SPATA6L: variants seen among roughly 807,000 people sequenced by gnomAD.
The protein encoded by SPATA6L is spermatogenesis associated 6-like protein.
Under a neutral mutation model 49.2 loss-of-function variants are expected in SPATA6L, and 68 were observed. The ratio of observed to expected loss-of-function variants is 1.38; its 90% CI spans 1.14 to 1.69. The LOEUF is 1.69. Among genes scored for constraint, SPATA6L ranks in the 40% most tolerant of loss-of-function variants. SPATA6L has a pLI of 0.00. For synonymous variants in SPATA6L, 198 were observed against 165.7 expected (o/e 1.19, Z -1.50); for missense variants, 668 against 464.3 (o/e 1.44, Z -4.03).
Position 4,601,368 on chromosome 9 carries a change from G to GTTT in SPATA6L, c.*2-562_*2-560dup, listed in dbSNP as rs34602065. On this transcript the variant is annotated intron_variant, in intron 11 of 11. Coordinates refer to ENST00000682582, the MANE Select transcript of SPATA6L (RefSeq NM_001353486.2). The stretch of plus-strand genomic sequence containing the variant: ...AATCTGAGGGGTTTCTTTACGGGAG[G>GTTT]TTTTTTTTTTTGTTTGGTTTTTTGG... Among the ~76,000 whole-genome samples the GTTT allele has an allele frequency of 3.6e-4, 53 of 147,068 alleles. 1 individual carries two copies. The South Asian group carries it at 8.6e-3, about 24-fold the overall frequency.
intron 2 of SPATA6L, among the ~76,000 whole-genome samples, chr9:4,656,441 AAAGGAAGGAAGGAAGGAAGGAAGGAAGG>A (rs376151295): frequency 1.1e-4 from 13 of 113,936 alleles, no homozygotes; most frequent in African/African-American, 3.7e-4. Context: ...CCTGTGAAAG[AAAGGAAGGAAGGAAGGAAGGAAGGAAGG>A]AAGGAAGGAA....
chr9:4,641,170 G>T (rs1833952872), intron 3 of SPATA6L, among the ~76,000 whole-genome samples: 2 of 148,728 alleles, frequency 1.3e-5, no homozygotes, highest in Middle Eastern at 3.5e-3. Flanking sequence ...CCAACATTTA[G>T]TATATTCAAC....
At chr9:4,640,928 A>G (rs1833895113) in intron 3 of SPATA6L, among the ~76,000 whole-genome samples, 1 of 152,210 alleles carries the variant, frequency 6.6e-6, no homozygotes, top group Non-Finnish European at 1.5e-5. Flanking sequence ...TTCTGCAATC[A>G]TTCTTTTCAA....
In SPATA6L at chr9:4,662,969, C is replaced by A. The variant is rs369771555; in HGVS notation, c.40-933G>T. Reference sequence around the variant, plus strand: ...GCCGCCCGGCCCACAACCAGATGGACATGTTTGTCACTCTCTCGGTGGACA... The same window carrying A: ...GCCGCCCGGCCCACAACCAGATGGAAATGTTTGTCACTCTCTCGGTGGACA... On this transcript the variant is annotated intron_variant, in intron 1 of 11. Coordinates refer to ENST00000682582, the MANE Select transcript of SPATA6L (RefSeq NM_001353486.2). This position sits in a 1 kb window ranked among gnomAD's most constrained non-coding sequence, Gnocchi z 4.9. The A allele has an allele frequency of 9.3e-6, 15 of 1,612,790 alleles. No individual in the cohort carries two copies. Among genetic ancestry groups the A allele is most frequent in the Non-Finnish European group, 1.3e-5 (15 of 1,179,890 alleles).
At chr9:4,590,607 G>C (rs903517656) in intron 13 of SPATA6L, among the ~76,000 whole-genome samples, 1 of 152,100 alleles carries the variant, frequency 6.6e-6, no homozygotes, top group African/African-American at 2.4e-5. Flanking sequence ...AAATGAGAAA[G>C]GAATGCCATT....
chr9:4,615,274 A>AT lies in SPATA6L; in HGVS notation c.995+2648dup, dbSNP rs931613764. On this transcript the variant is annotated intron_variant, in intron 9 of 11. Coordinates refer to ENST00000682582, the MANE Select transcript of SPATA6L (RefSeq NM_001353486.2). The stretch of plus-strand genomic sequence containing the variant: ...GCTCTTTGCATACTTCTTTTTTATT[A>AT]TTTTTTTTATATCCTCTGCTAGGTT... 1.1e-4 allele frequency among the ~76,000 whole-genome samples: 16 copies of AT among 151,994 alleles called. No individual in the cohort carries two copies. The East Asian group carries it at 1.3e-3, about 13-fold the overall frequency.
At position 4,622,468 on chromosome 9, in the gene SPATA6L, G is replaced by A; in HGVS notation, c.712C>T (p.His238Tyr). The A allele has an allele frequency of 6.2e-7, 1 of 1,613,802 alleles. No individual in the cohort carries two copies. Among genetic ancestry groups the A allele is most frequent in the Non-Finnish European group, 8.5e-7 (1 of 1,179,908 alleles). Residue 238 changes from histidine to tyrosine, a missense_variant, in exon 7 of 12, where the codon CAT becomes TAT. His to Tyr is a moderately conservative substitution (Grantham distance 83). Coordinates refer to ENST00000682582, the MANE Select transcript of SPATA6L (RefSeq NM_001353486.2). ...GATTTTCTTCTAGACCTCCTCAAATGATGCTCTGAAATATTCTCACCAAAG... is the reference window on the plus strand; with the variant it reads ...GATTTTCTTCTAGACCTCCTCAAATAATGCTCTGAAATATTCTCACCAAAG... ...KPFGENISEH[H>Y]LRRSRRKSKF...
downstream of SPATA6L, among the ~76,000 whole-genome samples, chr9:4,597,377 C>T (rs1208417542): frequency 6.7e-6 from 1 of 148,934 alleles, no homozygotes; most frequent in African/African-American, 2.5e-5. Context: ...CACGGTGGGG[C>T]GTGGGGGGTG....
intron 9 of SPATA6L, among the ~76,000 whole-genome samples, chr9:4,615,456 T>G (rs1381973565): frequency 1.3e-5 from 2 of 152,176 alleles, no homozygotes; most frequent in African/African-American, 4.8e-5. Flanking sequence ...TTTGACTCAG[T>G]AAACATGAGG....
intron 11 of SPATA6L, among the ~76,000 whole-genome samples, chr9:4,603,076 T>C (rs550013208): frequency 1.3e-5 from 2 of 152,308 alleles, no homozygotes; most frequent in South Asian, 2.1e-4. Flanking sequence ...CAGATCTGAA[T>C]TCTAGAGTTG....
Position 4,666,217 on chromosome 9 carries a change from G to C in SPATA6L, c.34C>G (p.Arg12Gly). Residue 12 changes from arginine (R) to glycine (G), a missense_variant, in exon 1 of 12, where the codon CGG becomes GGG. Coordinates refer to ENST00000682582, the MANE Select transcript of SPATA6L (RefSeq NM_001353486.2). ...GGAGTTCATCGATCTCTTACCGCCC[G>C]GATCTGCAGCTCCACCACCACCTCC... is the stretch of plus-strand genomic sequence containing the variant. ...PLEVVVELQI[R>G]AISCPGVFLP... is the part of the protein sequence containing the mutation. 2 of 1,614,108 alleles carry C rather than the reference G, an allele frequency of 1.2e-6. No individual in the cohort carries two copies. Among genetic ancestry groups the C allele is most frequent in the Middle Eastern group, 1.7e-4 (1 of 6,060 alleles).
Position 4,618,032 on chromosome 9 carries a change from A to G in SPATA6L, c.886T>C (p.Ser296Pro). The change falls in exon 9 of 12, where the codon TCT becomes CCT. Residue 296 changes from serine (S) to proline (P), a missense_variant. Ser to Pro is a moderately conservative substitution (Grantham distance 74, BLOSUM62 -1). Coordinates refer to ENST00000682582, the MANE Select transcript of SPATA6L (RefSeq NM_001353486.2). ...GCATCCCCTTGTTTACTGGATGAAG[A>G]CTTTCCAAACTGACTTGAATCTAAA... is the stretch of plus-strand genomic sequence containing the variant. ...SCLDSSQFGK[S>P]SSSKQGDADF... 1 of 1,614,122 alleles carries G rather than the reference A, an allele frequency of 6.2e-7. No individual in the cohort carries two copies. Among genetic ancestry groups the G allele is most frequent in the African/African-American group, 1.3e-5 (1 of 75,054 alleles).
chr9:4,610,676 C>A (rs1418456701), intron 9 of SPATA6L, among the ~76,000 whole-genome samples: 1 of 152,166 alleles, frequency 6.6e-6, no homozygotes, highest in Non-Finnish European at 1.5e-5. Flanking sequence ...AAATGTTAGA[C>A]CTAAAACCAT....
intron 2 of SPATA6L, among the ~76,000 whole-genome samples, chr9:4,658,873 C>G (rs1483303404): frequency 1.3e-5 from 2 of 150,302 alleles, no homozygotes; most frequent in Non-Finnish European, 3.0e-5. Flanking sequence ...ATCCCTGAAC[C>G]TGGGAGGCAG....
intron 9 of SPATA6L, among the ~76,000 whole-genome samples, chr9:4,609,523 A>T (rs1256166994): frequency 6.6e-6 from 1 of 152,110 alleles, no homozygotes; most frequent in South Asian, 2.1e-4. Context: ...TCCAGCATAT[A>T]AACAGAACCA....
At chr9:4,660,615 CAG>C (rs1353342175) in intron 2 of SPATA6L, among the ~76,000 whole-genome samples, 2 of 152,226 alleles carry the variant, frequency 1.3e-5, no homozygotes, top group African/African-American at 4.8e-5. Context: ...ATGTGGAAGA[CAG>C]TGTGGTGATT....
At chr9:4,663,481 C>A (rs912365723) in intron 1 of SPATA6L, 2 of 546,438 alleles carry the variant, frequency 3.7e-6, no homozygotes, top group South Asian at 3.0e-5. Context: ...CCCAAAAAAT[C>A]CTCTATTGTA....
chr9:4,643,262 T>C (rs1246530306), intron 3 of SPATA6L, among the ~76,000 whole-genome samples: 1 of 152,150 alleles, frequency 6.6e-6, no homozygotes, highest in Non-Finnish European at 1.5e-5. Context: ...CACCTTGGCC[T>C]CCCCAAGTGC....
At chr9:4,656,685 G>C (rs1261639893) in intron 2 of SPATA6L, among the ~76,000 whole-genome samples, 2 of 152,144 alleles carry the variant, frequency 1.3e-5, no homozygotes, top group Non-Finnish European at 2.9e-5. Context: ...ATTTCAATTA[G>C]CTAAATCTAC....
Sources: gnomAD v4.1 joint callset for allele counts (sites outside exome capture counted in the v4.1 genomes callset) on GRCh38, gnomAD v4.1.1 for gene constraint, Gnocchi (gnomAD v3.1) non-coding constraint, MANE v1.5 for transcripts, NCBI Gene and HGNC (gene_info 2026-07-23, HGNC 2026-07-21) for gene names.